The following ZIM3 variants were observed in gnomAD, a reference collection of about 807,000 sequenced individuals.
ZIM3 encodes zinc finger imprinted 3.
A neutral mutation model predicts 12.9 loss-of-function variants in ZIM3; 11 were observed. The ratio of observed to expected loss-of-function variants is 0.85; its 90% CI spans 0.54 to 1.41. ZIM3 has a LOEUF of 1.41. Ranked by LOEUF, ZIM3 falls within the 40% of genes most tolerant of loss-of-function variation. ZIM3 has a pLI of 0.00. For synonymous variants in ZIM3, 205 were observed against 198.5 expected, an observed-to-expected ratio of 1.03 and a Z score of -0.28; for missense variants, 604 against 557.2, an observed-to-expected ratio of 1.08 and a Z score of -0.85.
chr19:57,141,431 A>T (rs1050412796), intron 2 of ZIM3, among the ~76,000 whole-genome samples: 4 of 150,630 alleles, frequency 2.7e-5, no homozygotes, highest in African/African-American at 7.3e-5. Context: ...ACAACAAAAC[A>T]AAGATGCTTG....
At position 57,136,924 on chromosome 19, in the gene ZIM3, C is replaced by G. The variant is rs1568458496; in HGVS notation, c.190G>C (p.Gly64Arg). The change falls in exon 4 of 5, where the codon GGA (glycine) becomes CGA (arginine). Residue 64 changes from glycine (G) to arginine (R), a missense_variant. Physicochemically the swap from Gly to Arg is moderately radical, Grantham distance 125 (BLOSUM62 -2). Transcript: ENST00000269834. Reference protein sequence around the residue: ...KPDVILRLEQGKEPWLEEEEV... With the variant: ...KPDVILRLEQRKEPWLEEEEV... ...TCTTCCTCCAACCATGGCTCCTTTCCTTGTTCCAACCTCAAGATCACATCG... is the reference window on the plus strand; with the variant it reads ...TCTTCCTCCAACCATGGCTCCTTTCGTTGTTCCAACCTCAAGATCACATCG... 1.2e-6 allele frequency: 2 copies of G among 1,614,192 alleles called. No homozygotes were observed. Among genetic ancestry groups the G allele is most frequent in the Non-Finnish European group, 8.5e-7 (1 of 1,180,038 alleles).
At chr19:57,143,807 C>G (rs1251796905) in intron 1 of ZIM3, among the ~76,000 whole-genome samples, 1 of 151,612 alleles carries the variant, frequency 6.6e-6, no homozygotes, top group Non-Finnish European at 1.5e-5. Flanking sequence ...TCCCGTGTAG[C>G]TGGGATTACA....
chr19:57,143,506 A>G (rs1330759268), intron 1 of ZIM3, among the ~76,000 whole-genome samples: 2 of 152,114 alleles, frequency 1.3e-5, no homozygotes, highest in African/African-American at 4.8e-5. Flanking sequence ...ATAACGCCGC[A>G]GTGAACATGG....
chr19:57,134,959 A>T lies in ZIM3; in HGVS notation c.1378T>A (p.Ser460Thr), dbSNP rs1290852734. 1 of 1,613,902 alleles carries T rather than the reference A, an allele frequency of 6.2e-7. No individual in the cohort carries two copies. The highest frequency in any genetic ancestry group is 1.7e-5 in the Admixed American group (1 of 59,970). The change falls in exon 5 of 5, where the codon TCA (serine) becomes ACA (threonine). Residue 460 changes from serine (S) to threonine (T), a missense_variant. Coordinates refer to ENST00000269834, the MANE Select transcript of ZIM3 (RefSeq NM_052882.1). The part of the protein sequence containing the change: ...SECGKAFADR[S>T]YLVRHQKRIH... ...CTTTTCTGGTGCCTAACAAGGTATG[A>T]CCTGTCAGCGAAGGCTTTACCGCAT...
intron 2 of ZIM3, among the ~76,000 whole-genome samples, chr19:57,141,722 C>T (rs768618038): frequency 2.6e-5 from 4 of 151,710 alleles, no homozygotes; most frequent in Non-Finnish European, 5.9e-5. Flanking sequence ...AGTGGTGGTG[C>T]GCACACCTGT....
chr19:57,135,127 A>C lies in ZIM3; in HGVS notation c.1210T>G (p.Ser404Ala). 6.2e-7 allele frequency: 1 copy of C among 1,614,146 alleles called. No homozygotes were observed. Among genetic ancestry groups the C allele is most frequent in the South Asian group, 1.1e-5 (1 of 91,086 alleles). Residue 404 changes from serine to alanine, a missense_variant, in exon 5 of 5, where the codon TCA becomes GCA. By Grantham distance (99) the Ser-to-Ala change is moderately conservative. Coordinates refer to ENST00000269834, the MANE Select transcript of ZIM3 (RefSeq NM_052882.1). ...GTTTTCTGATGGCTATGAAGGTTTGACTTCTGAAAGAAGGCTTTTCCACAT... is the reference window on the plus strand; with the variant it reads ...GTTTTCTGATGGCTATGAAGGTTTGCCTTCTGAAAGAAGGCTTTTCCACAT... ...NRCGKAFFQK[S>A]NLHSHQKTHS...
rs1048580081 is a variant in ZIM3, at chr19:57,135,935, T to C, written c.402A>G (p.Val134=). 1 of 1,614,198 alleles carries C rather than the reference T, an allele frequency of 6.2e-7. No individual in the cohort carries two copies. Among genetic ancestry groups the C allele is most frequent in the Non-Finnish European group, 8.5e-7 (1 of 1,180,046 alleles). The change falls in exon 5 of 5, where the codon GTA becomes GTG. Residue 134 remains valine, a synonymous_variant. Transcript: ENST00000269834. ...TTTGTACATAGTGTTGCAAGGAAGATACATCATCTATGCCCAGTGGAAGTA... is the reference window on the plus strand; with the variant it reads ...TTTGTACATAGTGTTGCAAGGAAGACACATCATCTATGCCCAGTGGAAGTA... ...KKILPLGIDD[V]SSLQHYVQNN... is the part of the protein sequence containing the mutation.
chr19:57,136,535 G>A (rs1444592173), intron 4 of ZIM3, among the ~76,000 whole-genome samples: 2 of 151,816 alleles, frequency 1.3e-5, no homozygotes, highest in East Asian at 3.9e-4. Context: ...ATGGTGGCAA[G>A]TGCCTGTAAT....
Position 57,134,946 on chromosome 19 carries a change from CTAACAAGGT to C in ZIM3, c.1382_1390del (p.Tyr461_Arg464delinsTrp). 2.5e-6 allele frequency: 4 copies of C among 1,612,900 alleles called. No individual in the cohort carries two copies. Among genetic ancestry groups the C allele is most frequent in the Non-Finnish European group, 3.4e-6 (4 of 1,179,458 alleles). ...TCTGGAGTGAATTCTTTTCTGGTGC[CTAACAAGGT>C]ATGACCTGTCAGCGAAGGCTTTACC... is the stretch of plus-strand genomic sequence containing the variant. On this transcript the variant is annotated inframe_deletion, in exon 5 of 5. Transcript: ENST00000269834.
In ZIM3 at chr19:57,134,907, G is replaced by T. The variant is rs371769782; in HGVS notation, c.*11C>A. 1.3e-6 allele frequency: 2 copies of T among 1,594,630 alleles called. No individual in the cohort carries two copies. The highest frequency in any genetic ancestry group is 1.4e-5 in the African/African-American group (1 of 73,904). ...CATATCTTCCCATGTTTTTTTAAGTGCATGGGGCTCCTATCTGGAGTGAAT... is the reference window on the plus strand; with the variant it reads ...CATATCTTCCCATGTTTTTTTAAGTTCATGGGGCTCCTATCTGGAGTGAAT... On this transcript the variant is annotated 3_prime_UTR_variant, in exon 5 of 5. Coordinates refer to ENST00000269834, the MANE Select transcript of ZIM3 (RefSeq NM_052882.1).
intron 2 of ZIM3, among the ~76,000 whole-genome samples, chr19:57,142,095 G>A (rs1305707218): frequency 6.6e-6 from 1 of 150,772 alleles, no homozygotes; most frequent in Admixed American, 6.6e-5. Flanking sequence ...TTTCTGTGCA[G>A]CCAGTAGCAG....
intron 3 of ZIM3, among the ~76,000 whole-genome samples, chr19:57,137,439 G>A (rs567974454): frequency 1.4e-4 from 21 of 152,132 alleles, no homozygotes; most frequent in South Asian, 6.2e-4. Flanking sequence ...GACGCCAGGC[G>A]TGGTGGTTCA....
At chr19:57,141,422 C>A (rs1017330943) in intron 2 of ZIM3, among the ~76,000 whole-genome samples, 399 of 122,258 alleles carry the variant, frequency 3.3e-3, no homozygotes, top group Non-Finnish European at 5.5e-3. Flanking sequence ...AAAAAAAAAA[C>A]AACAAAACAA....
chr19:57,134,934 C>T lies in ZIM3; in HGVS notation c.1403G>A (p.Arg468Lys). Reference protein sequence around the residue: ...DRSYLVRHQKRIHSR With the variant: ...DRSYLVRHQKKIHSR ...ATGGGGCTCCTATCTGGAGTGAATT[C>T]TTTTCTGGTGCCTAACAAGGTATGA... Residue 468 changes from arginine (R) to lysine (K), a missense_variant, in exon 5 of 5, where the codon AGA becomes AAA. Arg to Lys is a conservative substitution (Grantham distance 26). Coordinates refer to ENST00000269834, the MANE Select transcript of ZIM3 (RefSeq NM_052882.1). The T allele has an allele frequency of 6.2e-7, 1 of 1,611,452 alleles. No homozygotes were observed. The highest frequency in any genetic ancestry group is 8.5e-7 in the Non-Finnish European group (1 of 1,178,642).
chr19:57,137,762 C>T (rs1364439154), intron 3 of ZIM3, among the ~76,000 whole-genome samples: 2 of 146,864 alleles, frequency 1.4e-5, no homozygotes, highest in Non-Finnish European at 3.0e-5. Context: ...GCACTCCAGC[C>T]TCGGTGACAC....
At position 57,136,002 on chromosome 19, in the gene ZIM3, A is replaced by T. The variant is rs777632005; in HGVS notation, c.335T>A (p.Leu112Gln). The T allele has an allele frequency of 2.4e-5, 38 of 1,614,154 alleles. No individual in the cohort carries two copies. The highest frequency in any genetic ancestry group is 3.2e-5 in the Non-Finnish European group (38 of 1,180,034). Reference protein sequence around the residue: ...REVPSINKETLTTQKGVECDG... With the variant: ...REVPSINKETQTTQKGVECDG... ...ACATTCTACACCTTTCTGCGTAGTC[A>T]GCGTTTCCTTATTGATTGATGGGAC... Residue 112 changes from leucine (L) to glutamine (Q), a missense_variant, in exon 5 of 5, where the codon CTG becomes CAG. By Grantham distance (113) the Leu-to-Gln change is moderately radical (BLOSUM62 -2). Coordinates refer to ENST00000269834, the MANE Select transcript of ZIM3 (RefSeq NM_052882.1).
At chr19:57,143,082 C>G (rs1045513160) in intron 1 of ZIM3, among the ~76,000 whole-genome samples, 1 of 152,086 alleles carries the variant, frequency 6.6e-6, no homozygotes, top group Non-Finnish European at 1.5e-5. Flanking sequence ...AATGCCAGCA[C>G]TTTGGGAGGC....
At chr19:57,139,333 A>G (rs1342611172) in intron 2 of ZIM3, among the ~76,000 whole-genome samples, 2 of 152,016 alleles carry the variant, frequency 1.3e-5, no homozygotes, top group Non-Finnish European at 2.9e-5. Flanking sequence ...TGTCTCAAGA[A>G]AAAAAAGAAA....
chr19:57,140,609 G>A (rs918933506), intron 2 of ZIM3, among the ~76,000 whole-genome samples: 3 of 152,018 alleles, frequency 2.0e-5, no homozygotes, highest in African/African-American at 7.3e-5. Context: ...AGAATAGCTG[G>A]GACTACAGGC....
Sources: gnomAD v4.1 joint callset for allele counts (sites outside exome capture counted in the v4.1 genomes callset) on GRCh38, gnomAD v4.1.1 for gene constraint, MANE v1.5 for transcripts, NCBI Gene and HGNC (gene_info 2026-07-23, HGNC 2026-07-21) for gene names.